CNTN5: variants seen among roughly 807,000 people sequenced by gnomAD.
CNTN5 encodes contactin 5.
In CNTN5, 77 loss-of-function variants were observed where a neutral mutation model predicts 129.1. The ratio of observed to expected loss-of-function variants is 0.60; its 90% CI spans 0.50 to 0.72. CNTN5 has a LOEUF of 0.72. Ranked by LOEUF, CNTN5 falls within the 30% of genes least tolerant of loss-of-function variation. The pLI, the probability that CNTN5 is intolerant of heterozygous loss-of-function variation, is 0.00. For synonymous variants in CNTN5, 509 were observed against 465.6 expected (o/e 1.09, Z -1.20); for missense variants, 1,478 against 1,328.8 (o/e 1.11, Z -1.75).
chr11:99,568,443 A>G (rs1949075294), intron 3 of CNTN5, among the ~76,000 whole-genome samples: 1 of 152,222 alleles, frequency 6.6e-6, no homozygotes, highest in Non-Finnish European at 1.5e-5. Context: ...TGCTTATGGT[A>G]AGAATTGTTT....
At chr11:99,322,225 G>T (rs540004998) in intron 1 of CNTN5, among the ~76,000 whole-genome samples, 4 of 152,144 alleles carry the variant, frequency 2.6e-5, no homozygotes, top group South Asian at 4.1e-4. Context: ...GCTTGCAGTC[G>T]GCGGCCTTAC....
At chr11:100,115,291 C>A (rs553268565) in intron 13 of CNTN5, among the ~76,000 whole-genome samples, 2 of 151,978 alleles carry the variant, frequency 1.3e-5, no homozygotes, top group East Asian at 3.9e-4. Flanking sequence ...CTTCTTATTC[C>A]CATCAACTAT....
At chr11:100,168,913 A>T (rs1947738737) in intron 13 of CNTN5, among the ~76,000 whole-genome samples, 1 of 151,238 alleles carries the variant, frequency 6.6e-6, no homozygotes, top group South Asian at 2.1e-4. Context: ...AGGAGTTGGA[A>T]GAATTTGATT....
chr11:99,361,004 C>G (rs974606489), intron 2 of CNTN5, among the ~76,000 whole-genome samples: 1 of 152,138 alleles, frequency 6.6e-6, no homozygotes, highest in Non-Finnish European at 1.5e-5. Context: ...TCAAGAATTT[C>G]TGCTTTCCAT....
intron 13 of CNTN5, among the ~76,000 whole-genome samples, chr11:100,149,270 CTTCAT>C (rs576026775): frequency 6.6e-6 from 1 of 152,180 alleles, no homozygotes; most frequent in African/African-American, 2.4e-5. Context: ...AATGCGTTGC[CTTCAT>C]TAACAGCATC....
intron 8 of CNTN5, among the ~76,000 whole-genome samples, chr11:100,001,613 C>T (rs1190042414): frequency 6.6e-6 from 1 of 152,082 alleles, no homozygotes; most frequent in African/African-American, 2.4e-5. Context: ...TTTGTTACTC[C>T]CACAATATTT....
At chr11:99,264,000 G>A (rs1355345421) in intron 1 of CNTN5, among the ~76,000 whole-genome samples, 1 of 151,896 alleles carries the variant, frequency 6.6e-6, no homozygotes, top group South Asian at 2.1e-4. Context: ...TACAGTTCTG[G>A]CTGTATTTTT....
Position 99,496,277 on chromosome 11 carries a change from T to C in CNTN5, c.-70-59868T>C, listed in dbSNP as rs1258112328. Among the ~76,000 whole-genome samples the C allele has an allele frequency of 3.3e-5, 5 of 152,132 alleles. No individual in the cohort carries two copies. The South Asian group carries it at 6.2e-4, about 19-fold the overall frequency. On this transcript the variant is annotated intron_variant, in intron 2 of 24. Coordinates refer to ENST00000524871, the MANE Select transcript of CNTN5 (RefSeq NM_014361.4). ...CTAGGAACCCATGAAAAATGATTTA[T>C]TTTATTTATTTATTTGAGACAGAGT... is the stretch of plus-strand genomic sequence containing the variant.
intron 3 of CNTN5, among the ~76,000 whole-genome samples, chr11:99,631,147 T>G (rs657362): frequency 0.61 from 92,643 of 151,972 alleles, 29,118 homozygotes; most frequent in Admixed American, 0.73. Context: ...TTTATTGAAA[T>G]ACAGTGTTAG....
chr11:100,016,720 T>C (rs1300559106), intron 9 of CNTN5, among the ~76,000 whole-genome samples: 1 of 152,022 alleles, frequency 6.6e-6, no homozygotes, highest in African/African-American at 2.4e-5. Context: ...CATGTTTATG[T>C]ATGCACATGT....
chr11:100,302,473 T>G (rs758851856), intron 20 of CNTN5, among the ~76,000 whole-genome samples: 58 of 151,624 alleles, frequency 3.8e-4, no homozygotes, highest in Admixed American at 1.6e-3. Context: ...TCCTCCACAT[T>G]CTTAGATACA....
chr11:99,925,808 G>T (rs1310991548), intron 7 of CNTN5, among the ~76,000 whole-genome samples: 2 of 151,914 alleles, frequency 1.3e-5, no homozygotes, highest in East Asian at 3.9e-4. Flanking sequence ...CCGTTGTAAA[G>T]ACAGATAAGA....
intron 1 of CNTN5, among the ~76,000 whole-genome samples, chr11:99,061,709 G>A (rs573470196): frequency 4.6e-5 from 7 of 152,108 alleles, no homozygotes; most frequent in South Asian, 4.2e-4. Context: ...GTGAACTTGC[G>A]GTCAGGTGCA....
At chr11:99,075,973 A>C (rs370051016) in intron 1 of CNTN5, among the ~76,000 whole-genome samples, 1 of 152,168 alleles carries the variant, frequency 6.6e-6, no homozygotes, top group East Asian at 1.9e-4. Flanking sequence ...TTTTGGTGAA[A>C]TATTGCTGCC....
chr11:99,500,875 C>A (rs1946401133), intron 2 of CNTN5, among the ~76,000 whole-genome samples: 1 of 151,990 alleles, frequency 6.6e-6, no homozygotes, highest in Admixed American at 6.6e-5. Context: ...CAAATTTCTT[C>A]CAAAATGTTT....
chr11:99,472,929 T>C (rs1249720186), intron 2 of CNTN5, among the ~76,000 whole-genome samples: 1 of 152,188 alleles, frequency 6.6e-6, no homozygotes, highest in Non-Finnish European at 1.5e-5. Flanking sequence ...ATTGAGCTTC[T>C]TGATAGCTTA....
intron 2 of CNTN5, among the ~76,000 whole-genome samples, chr11:99,539,067 A>G (rs1462159343): frequency 1.3e-5 from 2 of 152,054 alleles, no homozygotes; most frequent in Admixed American, 1.3e-4. Context: ...GATACCTACA[A>G]TAAGAGAACC....
intron 2 of CNTN5, among the ~76,000 whole-genome samples, chr11:99,359,845 A>G (rs1938978507): frequency 1.3e-5 from 2 of 152,088 alleles, no homozygotes; most frequent in African/African-American, 4.8e-5. Context: ...CAAAAGGAGG[A>G]AATCAGAAGG....
chr11:100,352,490 A>G (rs368977012), intron 24 of CNTN5, among the ~76,000 whole-genome samples: 3 of 151,888 alleles, frequency 2.0e-5, no homozygotes, highest in East Asian at 3.9e-4. Context: ...AAAAAAATGT[A>G]TATATGTACA....
Sources: allele counts gnomAD v4.1 joint callset (sites outside exome capture counted in the v4.1 genomes callset), GRCh38; gene constraint gnomAD v4.1.1; transcripts MANE v1.5; gene names NCBI Gene and HGNC (gene_info 2026-07-23, HGNC 2026-07-21).